GAB1: variants seen among roughly 807,000 people sequenced by gnomAD.
GAB1 encodes GRB2 associated binding protein 1.
Under a neutral mutation model 66.5 loss-of-function variants are expected in GAB1, and 19 were observed. The ratio of observed to expected loss-of-function variants is 0.29; its 90% CI spans 0.20 to 0.42. The LOEUF (loss-of-function observed/expected upper bound fraction) is 0.42, where lower values mean the gene tolerates loss of function less well. GAB1 is among the 10% of genes least tolerant of loss of function. The pLI, the probability that GAB1 is intolerant of heterozygous loss-of-function variation, is 1.00. For missense variants in GAB1, 732 were observed against 858.5 expected (o/e 0.85, Z 1.84); for synonymous variants, 294 against 301.4 (o/e 0.98, Z 0.25).
chr4:143,444,727 T>C (rs1460383728), intron 6 of GAB1, among the ~76,000 whole-genome samples: 1 of 152,142 alleles, frequency 6.6e-6, no homozygotes, highest in Non-Finnish European at 1.5e-5. Flanking sequence ...GAACTGAACA[T>C]AGCACCCAAT....
Position 143,470,469 on chromosome 4 carries a change from C to A in GAB1, c.*1280C>A, listed in dbSNP as rs1437143769. 1 of 152,160 alleles carries A rather than the reference C, an allele frequency of 6.6e-6. No individual in the cohort carries two copies. The highest frequency in any genetic ancestry group is 2.4e-5 in the African/African-American group (1 of 41,432). The allele number at this position is 152,160 out of a possible 1,614,324, so 9.4% of individuals were successfully genotyped here. ...TGTTATAGTCATGGACTCCTTCCAA[C>A]CAGATTTCTGAAAACACCAGAGGGA... is the stretch of plus-strand genomic sequence containing the variant. On this transcript the variant is annotated 3_prime_UTR_variant, in exon 10 of 10. Coordinates refer to ENST00000262994, the MANE Select transcript of GAB1 (RefSeq NM_002039.4).
intron 2 of GAB1, among the ~76,000 whole-genome samples, chr4:143,423,792 G>GTATATATATATATATATATATA (rs35559967): frequency 1.5e-5 from 1 of 67,764 alleles, no homozygotes; most frequent in Non-Finnish European, 2.9e-5. Context: ...AAAAAAAAGT[G>GTATATATATATATATATATATA]TATATATATA....
In GAB1 at chr4:143,404,445, A is replaced by G. The variant is rs781627387; in HGVS notation, c.73-11032A>G. Among the ~76,000 whole-genome samples the G allele has an allele frequency of 3.3e-5, 5 of 152,352 alleles. No homozygotes were observed. The South Asian group carries it at 6.2e-4, about 19-fold the overall frequency. ...GCACAACTGCTTACAGTAGCATTAC[A>G]CAATTTAAATATTTGTTGTGGATTT... On this transcript the variant is annotated intron_variant, in intron 1 of 9. Coordinates refer to ENST00000262994, the MANE Select transcript of GAB1 (RefSeq NM_002039.4).
At chr4:143,447,850 A>T (rs1181650972) in intron 6 of GAB1, among the ~76,000 whole-genome samples, 1 of 152,158 alleles carries the variant, frequency 6.6e-6, no homozygotes, top group African/African-American at 2.4e-5. Context: ...GAGAGAGGGC[A>T]TCCCTGTCTT....
intron 1 of GAB1, among the ~76,000 whole-genome samples, chr4:143,379,595 A>G (rs549024969): frequency 1.3e-5 from 2 of 152,136 alleles, no homozygotes; most frequent in South Asian, 4.2e-4. Flanking sequence ...TGACCGGCTG[A>G]TCGATTGCTT....
At position 143,438,557 on chromosome 4, in the gene GAB1, T is replaced by C. The variant is rs1166993509; in HGVS notation, c.1152T>C (p.Arg384=). The C allele has an allele frequency of 2.5e-6, 4 of 1,614,060 alleles. No individual in the cohort carries two copies. The highest frequency in any genetic ancestry group is 3.4e-6 in the Non-Finnish European group (4 of 1,179,968). The part of the protein sequence containing the change: ...CIPTAGMSPS[R]SNTISTVDLN... ...CTACAGCAGGGATGTCGCCTTCACG[T>C]AGTAATACCATTTCCACTGTGGATT... is the stretch of plus-strand genomic sequence containing the variant. Residue 384 remains arginine (R), a synonymous_variant, in exon 4 of 10, where the codon CGT becomes CGC. Coordinates refer to ENST00000262994, the MANE Select transcript of GAB1 (RefSeq NM_002039.4).
chr4:143,381,147 A>G (rs1256149694), intron 1 of GAB1, among the ~76,000 whole-genome samples: 3 of 152,224 alleles, frequency 2.0e-5, no homozygotes, highest in Admixed American at 2.0e-4. Context: ...TTCAAATGCC[A>G]GTGCTACCTC....
intron 6 of GAB1, among the ~76,000 whole-genome samples, chr4:143,459,119 T>C (rs1212063472): frequency 6.6e-6 from 1 of 152,120 alleles, no homozygotes; most frequent in Admixed American, 6.5e-5. Flanking sequence ...ATTCATAAAA[T>C]ATGCACTTAG....
At chr4:143,434,011 C>T in intron 3 of GAB1, 1 of 806,022 alleles carries the variant, frequency 1.2e-6, no homozygotes, top group Non-Finnish European at 1.8e-6. Context: ...TACAGACTCA[C>T]AGTATTACTT....
chr4:143,473,604 C>T lies in GAB1; in HGVS notation c.*4415C>T, dbSNP rs1230463872. 2 of 152,196 alleles carry T rather than the reference C, an allele frequency of 1.3e-5. No individual in the cohort carries two copies. Among genetic ancestry groups the T allele is most frequent in the Non-Finnish European group, 2.9e-5 (2 of 68,056 alleles). The allele number at this position is 152,196 out of a possible 1,614,324, so 9.4% of individuals were successfully genotyped here. On this transcript the variant is annotated 3_prime_UTR_variant, in exon 10 of 10. Coordinates refer to ENST00000262994, the MANE Select transcript of GAB1 (RefSeq NM_002039.4). ...TCCTCCAGCCAGCCAGTGCTGCCAG[C>T]ATTTTATTGTGTAAAAGTCCAAATA...
chr4:143,365,099 G>A (rs1239014622), intron 1 of GAB1, among the ~76,000 whole-genome samples: 1 of 151,210 alleles, frequency 6.6e-6, no homozygotes, highest in African/African-American at 2.4e-5. Context: ...AGATGGTCTC[G>A]ATCTCCTGAC....
At chr4:143,377,201 T>C (rs1285501716) in intron 1 of GAB1, among the ~76,000 whole-genome samples, 2 of 152,196 alleles carry the variant, frequency 1.3e-5, no homozygotes, top group Non-Finnish European at 2.9e-5. Flanking sequence ...ATGAATCCAT[T>C]TTTAATAAGC....
chr4:143,393,633 T>C (rs1486741848), intron 1 of GAB1, among the ~76,000 whole-genome samples: 3 of 152,190 alleles, frequency 2.0e-5, no homozygotes, highest in African/African-American at 7.2e-5. Context: ...TGAAAGATCA[T>C]GTAAACTAAT....
At chr4:143,448,187 T>C (rs1398038023) in intron 6 of GAB1, among the ~76,000 whole-genome samples, 1 of 151,882 alleles carries the variant, frequency 6.6e-6, no homozygotes, top group African/African-American at 2.4e-5. Context: ...CTGAATTCTG[T>C]TTGCCAGTAT....
In GAB1 at chr4:143,439,777, G is replaced by A. The variant is rs148702711; in HGVS notation, c.1196-25G>A. 3,368 of 1,538,048 alleles carry A rather than the reference G, an allele frequency of 2.2e-3. 7 individuals are homozygous for A. Among genetic ancestry groups the A allele is most frequent in the Non-Finnish European group, 2.7e-3 (3,041 of 1,111,188 alleles). On this transcript the variant is annotated intron_variant, in intron 4 of 9. Coordinates refer to ENST00000262994, the MANE Select transcript of GAB1 (RefSeq NM_002039.4). Reference sequence around the variant, plus strand: ...AGAGCTGGCAAAGATGGGAATAAATGTTGATAGTTTGTTCTTTATTTTAGA... The same window carrying A: ...AGAGCTGGCAAAGATGGGAATAAATATTGATAGTTTGTTCTTTATTTTAGA...
intron 1 of GAB1, among the ~76,000 whole-genome samples, chr4:143,341,344 T>A (rs981857891): frequency 1.3e-5 from 2 of 152,208 alleles, no homozygotes; most frequent in African/African-American, 4.8e-5. Flanking sequence ...ATGGTGAAAT[T>A]TTCATCAGAA....
At chr4:143,435,872 T>C (rs527905332) in intron 3 of GAB1, among the ~76,000 whole-genome samples, 1 of 152,350 alleles carries the variant, frequency 6.6e-6, no homozygotes, top group Non-Finnish European at 1.5e-5. Context: ...CCTCTCAAAC[T>C]CCCAAGTTAG....
chr4:143,439,202 C>T (rs1734096628), intron 4 of GAB1, among the ~76,000 whole-genome samples: 1 of 152,146 alleles, frequency 6.6e-6, no homozygotes, highest in Non-Finnish European at 1.5e-5. Context: ...CCAAAAGTTA[C>T]AGACCTTGAG....
intron 1 of GAB1, among the ~76,000 whole-genome samples, chr4:143,384,455 TG>T (rs1205384730): frequency 6.6e-6 from 1 of 152,212 alleles, no homozygotes; most frequent in Non-Finnish European, 1.5e-5. Flanking sequence ...TGCTATTGGC[TG>T]TGCTATAATT....
Sources: gnomAD v4.1 joint callset for allele counts (sites outside exome capture counted in the v4.1 genomes callset) on GRCh38, gnomAD v4.1.1 for gene constraint, MANE v1.5 for transcripts, NCBI Gene and HGNC (gene_info 2026-07-23, HGNC 2026-07-21) for gene names.